The following PKHD1L1 variants were observed in gnomAD, a reference collection of about 807,000 sequenced individuals.
PKHD1L1 encodes the protein PKHD1 like 1, also known as fibrocystin-L.
Under a neutral mutation model 462.9 loss-of-function variants are expected in PKHD1L1, and 434 were observed. The observed-to-expected ratio is 0.94, with a 90% CI of 0.87 to 1.02. PKHD1L1 has a LOEUF of 1.02. Ranked by LOEUF, PKHD1L1 falls within the 50% of genes least tolerant of loss-of-function variation. The pLI is 0.00. For synonymous variants in PKHD1L1, 1,781 were observed against 1,750.0 expected, an observed-to-expected ratio of 1.02 and a Z score of -0.44; for missense variants, 5,202 against 5,096.1, an observed-to-expected ratio of 1.02 and a Z score of -0.63.
At chr8:109,383,586 A>G (rs995274006) in intron 4 of PKHD1L1, among the ~76,000 whole-genome samples, 1 of 149,766 alleles carries the variant, frequency 6.7e-6, no homozygotes, top group Non-Finnish European at 1.5e-5. Flanking sequence ...TACTGAAGAA[A>G]ACAATAATGA....
chr8:109,409,768 T>C (rs1303099191), intron 18 of PKHD1L1, 97 bp from the exon 19 acceptor site: 2 of 533,008 alleles, frequency 3.8e-6, no homozygotes, highest in Non-Finnish European at 6.3e-6. Flanking sequence ...ATTATGAAAA[T>C]GTCCTATTAA....
At chr8:109,467,197 C>T (rs1449359241) in intron 50 of PKHD1L1, among the ~76,000 whole-genome samples, 1 of 152,082 alleles carries the variant, frequency 6.6e-6, no homozygotes, top group Non-Finnish European at 1.5e-5. Context: ...AGGTACAATA[C>T]CTGGAACACC....
chr8:109,453,623 C>A (rs1816662109), intron 43 of PKHD1L1, among the ~76,000 whole-genome samples: 1 of 151,932 alleles, frequency 6.6e-6, no homozygotes, highest in Admixed American at 6.6e-5. Flanking sequence ...AATATTGGAC[C>A]TTTGGACAAA....
chr8:109,445,462 A>G lies in PKHD1L1; in HGVS notation c.5593A>G (p.Ile1865Val). The change falls in exon 38 of 78, where the codon ATT (isoleucine) becomes GTT (valine). Residue 1865 changes from isoleucine (I) to valine (V), a missense_variant. This residue lies in a region of PKHD1L1 where 4,497 missense variants were observed against 4,336.8 expected (regional missense o/e 1.04). Coordinates refer to ENST00000378402, the MANE Select transcript of PKHD1L1 (RefSeq NM_177531.6). The part of the protein sequence containing the change: ...GFYPGNTTVT[I>V]GDEPCQIISI... Reference sequence around the variant, plus strand: ...CTATCCAGGCAACACTACAGTCACTATTGGGGATGAACCTTGTCAAATTAT... The same window carrying G: ...CTATCCAGGCAACACTACAGTCACTGTTGGGGATGAACCTTGTCAAATTAT... 6.2e-7 allele frequency: 1 copy of G among 1,613,958 alleles called. No homozygotes were observed. Among genetic ancestry groups the G allele is most frequent in the Non-Finnish European group, 8.5e-7 (1 of 1,179,870 alleles).
rs1018854924 is a variant in PKHD1L1 at position 109,536,747 on chromosome 8, T to C, written c.*6657T>C. 6.6e-6 allele frequency among the ~76,000 whole-genome samples: 1 copy of C among 152,216 alleles called. No homozygotes were observed. Among genetic ancestry groups the C allele is most frequent in the Admixed American group, 6.5e-5 (1 of 15,284 alleles). On this transcript the variant is annotated 3_prime_UTR_variant, in exon 78 of 78. Coordinates refer to ENST00000378402, the MANE Select transcript of PKHD1L1 (RefSeq NM_177531.6). ...TGAAGAAAACTGGTTAACTCTAAAT[T>C]GTTACTAAATTTTGAATCTTCCTGT... is the stretch of plus-strand genomic sequence containing the variant.
In PKHD1L1 at chr8:109,536,633, A is replaced by C. The variant is rs1821151222; in HGVS notation, c.*6543A>C. Among the ~76,000 whole-genome samples the C allele has an allele frequency of 6.6e-6, 1 of 152,224 alleles. No homozygotes were observed. Among genetic ancestry groups the C allele is most frequent in the South Asian group, 2.1e-4 (1 of 4,834 alleles). ...GTGGCTGAACCTCACCACTGAACAC[A>C]AAATGAGAATTCACCTCATCTTTTC... On this transcript the variant is annotated 3_prime_UTR_variant, in exon 78 of 78. Coordinates refer to ENST00000378402, the MANE Select transcript of PKHD1L1 (RefSeq NM_177531.6).
chr8:109,421,379 T>C (rs1474655177), intron 23 of PKHD1L1, among the ~76,000 whole-genome samples: 2 of 152,058 alleles, frequency 1.3e-5, no homozygotes, highest in African/African-American at 4.8e-5. Flanking sequence ...TTATAAAAAC[T>C]CCAAAAAAAT....
intron 77 of PKHD1L1, among the ~76,000 whole-genome samples, chr8:109,528,233 T>C (rs1389145389): frequency 6.6e-6 from 1 of 151,994 alleles, no homozygotes; most frequent in Admixed American, 6.6e-5. Context: ...AAGGAAAAAA[T>C]GGCAGTGGAA....
intron 70 of PKHD1L1, among the ~76,000 whole-genome samples, chr8:109,508,525 G>T (rs1320642916): frequency 6.6e-6 from 1 of 152,010 alleles, no homozygotes; most frequent in Admixed American, 6.6e-5. Context: ...AGAGCAAGAA[G>T]TAGGGGAAAA....
At chr8:109,456,780 C>T (rs887210913) in intron 46 of PKHD1L1, among the ~76,000 whole-genome samples, 2 of 152,076 alleles carry the variant, frequency 1.3e-5, no homozygotes, top group Non-Finnish European at 2.9e-5. Flanking sequence ...TGTAAATGAG[C>T]TTCTTAGTTG....
Position 109,384,110 on chromosome 8 carries a change from C to T in PKHD1L1, c.458C>T (p.Pro153Leu), listed in dbSNP as rs1268607254. The T allele has an allele frequency of 1.9e-6, 3 of 1,610,646 alleles. No individual in the cohort carries two copies. Among genetic ancestry groups the T allele is most frequent in the Non-Finnish European group, 2.5e-6 (3 of 1,177,468 alleles). ...FRTPTIRSIT[P>L]LSGTPGTLIT... ...ACCCCAACAATAAGAAGCATCACAC[C>T]TTTATCTGGAACTCCAGGTCTGTTA... is the stretch of plus-strand genomic sequence containing the variant. Residue 153 changes from proline to leucine, a missense_variant, in exon 5 of 78, where the codon CCT becomes CTT. By Grantham distance (98) the Pro-to-Leu change is moderately conservative. Around this residue, in one of 3 missense-constraint regions of PKHD1L1, gnomAD observed 4,497 missense variants for 4,336.8 expected, o/e 1.04. Transcript: ENST00000378402.
Position 109,435,953 on chromosome 8 carries a change from T to G in PKHD1L1, c.3506-385T>G, listed in dbSNP as rs551986840. On this transcript the variant is annotated intron_variant, in intron 29 of 77. Coordinates refer to ENST00000378402, the MANE Select transcript of PKHD1L1 (RefSeq NM_177531.6). ...CTTAGAGGTATTAAAATTTGAGATT[T>G]GGCAAGAGTCTTAATTAACTCTCCT... Among the ~76,000 whole-genome samples, 9 of 152,354 alleles carry G rather than the reference T, an allele frequency of 5.9e-5. No individual in the cohort carries two copies. The South Asian group carries it at 1.9e-3, about 32-fold the overall frequency.
At position 109,459,733 on chromosome 8, in the gene PKHD1L1, A is replaced by G; in HGVS notation, c.7143A>G (p.Ala2381=). Residue 2381 remains alanine (A), a synonymous_variant, in exon 47 of 78, where the codon GCA becomes GCG. Coordinates refer to ENST00000378402, the MANE Select transcript of PKHD1L1 (RefSeq NM_177531.6). The part of the protein sequence containing the change: ...VTLPDGTLFE[A]RAEVGILTRN... Reference sequence around the variant, plus strand: ...TCCCTGATGGAACTCTGTTTGAAGCAAGAGCAGAAGTTGGAATTCTTACAA... The same window carrying G: ...TCCCTGATGGAACTCTGTTTGAAGCGAGAGCAGAAGTTGGAATTCTTACAA... 1 of 1,612,210 alleles carries G rather than the reference A, an allele frequency of 6.2e-7. No individual in the cohort carries two copies. The highest frequency in any genetic ancestry group is 1.1e-5 in the South Asian group (1 of 90,884).
intron 12 of PKHD1L1, among the ~76,000 whole-genome samples, chr8:109,399,572 T>TA (rs1259846930): frequency 6.6e-6 from 1 of 152,096 alleles, no homozygotes; most frequent in Non-Finnish European, 1.5e-5. Flanking sequence ...ATGTTTTTTT[T>TA]AAAAAGTAAA....
chr8:109,439,857 T>G (rs775012542), intron 32 of PKHD1L1, among the ~76,000 whole-genome samples: 11 of 152,082 alleles, frequency 7.2e-5, no homozygotes, highest in Admixed American at 5.9e-4. Context: ...GAGAGATGAT[T>G]GCAGCAAAAT....
chr8:109,375,403 TA>T (rs1198446592), intron 2 of PKHD1L1, among the ~76,000 whole-genome samples: 1 of 152,328 alleles, frequency 6.6e-6, no homozygotes, highest in East Asian at 1.9e-4. Context: ...GCCATTCGTC[TA>T]ATTTTTTTTC....
At position 109,481,531 on chromosome 8, in the gene PKHD1L1, A is replaced by G; in HGVS notation, c.9426A>G (p.Pro3142=). The part of the protein sequence containing the change: ...GNHTTQDWAL[P]EGPNQGAKVL... ...ATACTACACAAGACTGGGCTCTTCC[A>G]GAAGGACCAAATCAAGGGGCAAAGG... Residue 3142 remains proline (P), a synonymous_variant, in exon 56 of 78, where the codon CCA becomes CCG. Coordinates refer to ENST00000378402, the MANE Select transcript of PKHD1L1 (RefSeq NM_177531.6). 1 of 1,596,304 alleles carries G rather than the reference A, an allele frequency of 6.3e-7. No individual in the cohort carries two copies. The highest frequency in any genetic ancestry group is 8.5e-7 in the Non-Finnish European group (1 of 1,170,628).
intron 20 of PKHD1L1, among the ~76,000 whole-genome samples, chr8:109,413,179 T>G (rs1361783000): frequency 6.6e-6 from 1 of 152,076 alleles, no homozygotes; most frequent in Non-Finnish European, 1.5e-5. Context: ...AAACTATACC[T>G]AAAAAGAAAT....
intron 11 of PKHD1L1, among the ~76,000 whole-genome samples, chr8:109,398,134 G>C (rs1813071665): frequency 6.6e-6 from 1 of 151,866 alleles, no homozygotes; most frequent in African/African-American, 2.4e-5. Context: ...TCTCTCCAAG[G>C]AACAAAATAT....
Sources: allele counts gnomAD v4.1 joint callset (sites outside exome capture counted in the v4.1 genomes callset), GRCh38; gene constraint gnomAD v4.1.1; regional missense constraint gnomAD v4.1.1; transcripts MANE v1.5; gene names NCBI Gene and HGNC (gene_info 2026-07-23, HGNC 2026-07-21).